The following BMP2K variants were observed in gnomAD, a reference collection of about 807,000 sequenced individuals.
The protein encoded by BMP2K is BMP2 inducible kinase, also known as BMP-2-inducible protein kinase.
Under a neutral mutation model 116.0 loss-of-function variants are expected in BMP2K, and 74 were observed. The ratio of observed to expected loss-of-function variants is 0.64; its 90% CI spans 0.53 to 0.77. The LOEUF (loss-of-function observed/expected upper bound fraction) is 0.77. Ranked by LOEUF, BMP2K falls within the 30% of genes least tolerant of loss-of-function variation. The probability of loss-of-function intolerance (pLI) is 0.00; values close to 1 mark genes in which losing one functional copy is unlikely to be tolerated. For synonymous variants in BMP2K, 486 were observed against 502.5 expected (o/e 0.97, Z 0.44); for missense variants, 1,365 against 1,403.6 (o/e 0.97, Z 0.44).
Position 78,911,967 on chromosome 4 carries a change from G to A in BMP2K, c.3420G>A (p.Gln1140=). The stretch of plus-strand genomic sequence containing the variant: ...TGGTGCAAAGCATCACTCCACATCA[G>A]TCCCAACAGTCCCAACCAGTCGAAT... ...ELVVQSITPH[Q]SQQSQPVELD... is the part of the protein sequence containing the mutation. The change falls in exon 16 of 16, where the codon CAG becomes CAA. Residue 1140 remains glutamine (Q), a synonymous_variant. Coordinates refer to ENST00000502613, the MANE Select transcript of BMP2K (RefSeq NM_198892.2). 1 of 1,613,896 alleles carries A rather than the reference G, an allele frequency of 6.2e-7. No homozygotes were observed. Among genetic ancestry groups the A allele is most frequent in the South Asian group, 1.1e-5 (1 of 91,076 alleles).
chr4:78,781,701 T>C (rs1727513073), intron 1 of BMP2K, among the ~76,000 whole-genome samples: 1 of 152,090 alleles, frequency 6.6e-6, no homozygotes, highest in Admixed American at 6.5e-5. Flanking sequence ...TCTCAGACAT[T>C]AGTGTTCATT....
intron 1 of BMP2K, among the ~76,000 whole-genome samples, chr4:78,816,404 A>G (rs1729354588): frequency 6.6e-6 from 1 of 152,094 alleles, no homozygotes; most frequent in African/African-American, 2.4e-5. Flanking sequence ...TACATTGATG[A>G]TCCTTGGTGA....
chr4:78,899,555 T>G (rs1375753144), intron 15 of BMP2K, among the ~76,000 whole-genome samples: 2 of 151,978 alleles, frequency 1.3e-5, no homozygotes, highest in Non-Finnish European at 2.9e-5. Context: ...AAAATTCAGG[T>G]TAATTCTAAC....
At chr4:78,788,958 T>C (rs1192742086) in intron 1 of BMP2K, among the ~76,000 whole-genome samples, 1 of 151,306 alleles carries the variant, frequency 6.6e-6, no homozygotes, top group East Asian at 1.9e-4. Context: ...TGGGCCATTA[T>C]GGATAGTATA....
Position 78,776,421 on chromosome 4 carries a change from T to G in BMP2K, c.-123T>G. 1.0e-6 allele frequency: 1 copy of G among 984,344 alleles called. No individual in the cohort carries two copies. Among genetic ancestry groups the G allele is most frequent in the African/African-American group, 1.7e-5 (1 of 57,430 alleles). 61.0% of individuals were successfully genotyped at this position (984,344 alleles called of 1,614,324 possible). ...CTTGGGGAGCGCGGAATGTGAGGCT[T>G]GGCGGGCCGCAGCACGCTCGGACGG... On this transcript the variant is annotated 5_prime_UTR_variant, in exon 1 of 16. Transcript: ENST00000502613.
chr4:78,825,915 A>C, intron 1 of BMP2K, 122 bp from the exon 2 acceptor site: 1 of 716,272 alleles, frequency 1.4e-6, no homozygotes, highest in Non-Finnish European at 2.3e-6. Flanking sequence ...AGCTTATTGC[A>C]CTTGTTTTTG....
intron 1 of BMP2K, among the ~76,000 whole-genome samples, chr4:78,819,110 G>GA (rs1441928403): frequency 6.6e-6 from 1 of 152,112 alleles, no homozygotes; most frequent in African/African-American, 2.4e-5. Flanking sequence ...ATGAAAGATG[G>GA]AAAAAAATGT....
chr4:78,840,424 T>G (rs28411173), intron 3 of BMP2K, among the ~76,000 whole-genome samples: 13,603 of 152,164 alleles, frequency 0.089, 895 homozygotes, highest in East Asian at 0.22. Context: ...TGTCCCTCCC[T>G]CTGTGCTCTC....
chr4:78,858,440 A>G (rs1010403098), intron 7 of BMP2K, among the ~76,000 whole-genome samples: 5 of 151,946 alleles, frequency 3.3e-5, no homozygotes, highest in Non-Finnish European at 7.4e-5. Context: ...TAAGTGATAT[A>G]TGTTAGCATT....
chr4:78,894,786 C>T (rs577344292), intron 15 of BMP2K, among the ~76,000 whole-genome samples: 79 of 152,282 alleles, frequency 5.2e-4, no homozygotes, highest in African/African-American at 1.8e-3. Flanking sequence ...GCGTGCTTTC[C>T]TCTCTAAGCT....
Position 78,915,783 on chromosome 4 carries a change from A to G in BMP2K, c.*3750A>G, listed in dbSNP as rs1326793118. The G allele has an allele frequency of 6.6e-6, 1 of 151,998 alleles. No individual in the cohort carries two copies. Among genetic ancestry groups the G allele is most frequent in the Non-Finnish European group, 1.5e-5 (1 of 67,904 alleles). The allele number at this position is 151,998 out of a possible 1,614,324, so 9.4% of individuals were successfully genotyped here. ...AAGAGAATAAGGTAGATGATAATGCAAAGGGTCATGATTTGGGGTTATTTT... is the reference window on the plus strand; with the variant it reads ...AAGAGAATAAGGTAGATGATAATGCGAAGGGTCATGATTTGGGGTTATTTT... On this transcript the variant is annotated 3_prime_UTR_variant, in exon 16 of 16. Transcript: ENST00000502613.
chr4:78,806,383 G>T (rs1728821896), intron 1 of BMP2K, among the ~76,000 whole-genome samples: 1 of 151,938 alleles, frequency 6.6e-6, no homozygotes. Context: ...TTGCTATGTT[G>T]TGCAGGCTGG....
At chr4:78,792,271 C>A (rs1225303271) in intron 1 of BMP2K, among the ~76,000 whole-genome samples, 1 of 152,132 alleles carries the variant, frequency 6.6e-6, no homozygotes, top group Non-Finnish European at 1.5e-5. Context: ...GTTTATTGGC[C>A]ATTTTTAAGT....
chr4:78,827,031 C>T (rs1030485961), intron 2 of BMP2K, among the ~76,000 whole-genome samples: 5 of 152,160 alleles, frequency 3.3e-5, no homozygotes, highest in Non-Finnish European at 4.4e-5. Flanking sequence ...TTTTTGGCTT[C>T]CCAGTGCATA....
chr4:78,876,145 G>A (rs1732620025), intron 13 of BMP2K, among the ~76,000 whole-genome samples: 1 of 152,142 alleles, frequency 6.6e-6, no homozygotes, highest in Non-Finnish European at 1.5e-5. Flanking sequence ...ATTTATTTTG[G>A]GAATAGGAAG....
chr4:78,829,289 A>G (rs755870863), intron 2 of BMP2K, among the ~76,000 whole-genome samples: 2 of 152,214 alleles, frequency 1.3e-5, no homozygotes, highest in Non-Finnish European at 2.9e-5. Context: ...CCTCTTCACC[A>G]GGAAGTAGAT....
Position 78,776,391 on chromosome 4 carries a change from G to T in BMP2K, c.-153G>T, listed in dbSNP as rs1727229632. On this transcript the variant is annotated 5_prime_UTR_variant, in exon 1 of 16. Coordinates refer to ENST00000502613, the MANE Select transcript of BMP2K (RefSeq NM_198892.2). Reference sequence around the variant, plus strand: ...CGGAGCGGGCGGCGGGGCCCAGGCTGTGCGCTTGGGGAGCGCGGAATGTGA... The same window carrying T: ...CGGAGCGGGCGGCGGGGCCCAGGCTTTGCGCTTGGGGAGCGCGGAATGTGA... The T allele has an allele frequency of 2.6e-6, 2 of 758,600 alleles. No individual in the cohort carries two copies. Among genetic ancestry groups the T allele is most frequent in the Non-Finnish European group, 3.3e-6 (2 of 601,382 alleles). The allele number at this position is 758,600 out of a possible 1,614,324, so 47.0% of individuals were successfully genotyped here.
At chr4:78,844,814 G>A (rs1297666458) in intron 4 of BMP2K, 114 bp from the exon 5 acceptor site, 2 of 883,666 alleles carry the variant, frequency 2.3e-6, no homozygotes, top group Non-Finnish European at 3.6e-6. Flanking sequence ...ACCCTTCGGT[G>A]TTTATTGTGT....
chr4:78,834,920 T>G (rs1265728788), intron 3 of BMP2K, among the ~76,000 whole-genome samples: 1 of 152,208 alleles, frequency 6.6e-6, no homozygotes, highest in African/African-American at 2.4e-5. Flanking sequence ...CTTTATATCT[T>G]ATCTTCTCTA....
Sources: allele counts gnomAD v4.1 joint callset (sites outside exome capture counted in the v4.1 genomes callset), GRCh38; gene constraint gnomAD v4.1.1; transcripts MANE v1.5; gene names NCBI Gene and HGNC (gene_info 2026-07-23, HGNC 2026-07-21).